The following PRIM2 variants were observed in gnomAD, a reference collection of about 807,000 sequenced individuals.
PRIM2 encodes the protein DNA primase subunit 2.
A neutral mutation model predicts 67.3 loss-of-function variants in PRIM2; 39 were observed. The ratio of observed to expected loss-of-function variants is 0.58; its 90% CI spans 0.45 to 0.76. The LOEUF (loss-of-function observed/expected upper bound fraction) is 0.76, where lower values mean the gene tolerates loss of function less well. Among genes scored for constraint, PRIM2 ranks in the 30% least tolerant of loss-of-function variants. PRIM2 has a pLI of 0.00. For synonymous variants in PRIM2, 143 were observed against 198.7 expected (o/e 0.72, Z 2.36); for missense variants, 398 against 598.7 (o/e 0.66, Z 3.50).
intron 5 of PRIM2, among the ~76,000 whole-genome samples, chr6:57,378,480 C>T (rs556988539): frequency 6.6e-6 from 1 of 152,150 alleles, no homozygotes; most frequent in African/African-American, 2.4e-5. Flanking sequence ...TTTGTGAATT[C>T]TTCCCTGTTG....
At position 57,498,424 on chromosome 6, in the gene PRIM2, T is replaced by A. The variant is rs1554346551; in HGVS notation, c.694-8963T>A. 5.1e-4 allele frequency among the ~76,000 whole-genome samples: 77 copies of A among 152,294 alleles called. 1 individual carries two copies. The South Asian group carries it at 0.015, about 29-fold the overall frequency. The stretch of plus-strand genomic sequence containing the variant: ...CCATTAAAATAAACGTAAATTTGGT[T>A]CTTTGTCATTTTACATAATAAATAA... On this transcript the variant is annotated intron_variant, in intron 7 of 13. Coordinates refer to ENST00000615550, the MANE Select transcript of PRIM2 (RefSeq NM_000947.5).
At chr6:57,609,999 AC>A (rs1360820788) in intron 12 of PRIM2, among the ~76,000 whole-genome samples, 8 of 152,146 alleles carry the variant, frequency 5.3e-5, no homozygotes, top group Admixed American at 5.2e-4. Flanking sequence ...GTAAGGTAGA[AC>A]TCCATGTGGT....
At chr6:57,629,701 A>G (rs1777011150) in intron 12 of PRIM2, among the ~76,000 whole-genome samples, 1 of 148,078 alleles carries the variant, frequency 6.8e-6, no homozygotes, top group African/African-American at 2.5e-5. Context: ...CTCCTTTCCA[A>G]TCTGTTCCCA....
chr6:57,499,854 A>G (rs1290206260), intron 7 of PRIM2, among the ~76,000 whole-genome samples: 3 of 152,198 alleles, frequency 2.0e-5, no homozygotes, highest in African/African-American at 7.2e-5. Flanking sequence ...TTTTATGCAT[A>G]TAATATGGGA....
the PRIM2 span, among the ~76,000 whole-genome samples, chr6:57,293,919 A>T: frequency 2.0e-5 from 3 of 152,160 alleles, no homozygotes; most frequent in Non-Finnish European, 4.4e-5. Flanking sequence ...TACCTATTTA[A>T]CAAACCTGCA....
intron 8 of PRIM2, among the ~76,000 whole-genome samples, chr6:57,527,328 G>T (rs1220245094): frequency 1.3e-5 from 2 of 152,224 alleles, no homozygotes; most frequent in African/African-American, 4.8e-5. Flanking sequence ...TGTGGAAAGT[G>T]AAATCTTGGC....
chr6:57,431,741 A>G (rs1771837898), intron 7 of PRIM2, among the ~76,000 whole-genome samples: 2 of 152,288 alleles, frequency 1.3e-5, no homozygotes, highest in Non-Finnish European at 2.9e-5. Context: ...TGATACTTTC[A>G]TAGAAAAGCT....
the PRIM2 span, among the ~76,000 whole-genome samples, chr6:57,245,947 A>G: frequency 1.3e-5 from 2 of 152,242 alleles, no homozygotes; most frequent in Admixed American, 6.5e-5. Flanking sequence ...CACTCTAGTC[A>G]TAGAAAACAT....
At chr6:57,247,513 G>A in the PRIM2 span, among the ~76,000 whole-genome samples, 10 of 152,278 alleles carry the variant, frequency 6.6e-5, no homozygotes, top group South Asian at 2.1e-3. Flanking sequence ...TATTTTTGGT[G>A]TATTTTGAGC....
rs1771348339 is a variant in PRIM2, at chr6:57,418,389, T to TTTTTTTG, written c.693+36227_693+36228insGTTTTTT. On this transcript the variant is annotated intron_variant, in intron 7 of 13. Transcript: ENST00000615550. Reference sequence around the variant, plus strand: ...AATGTTTCCTATGTGTGTGGTTTTTTTTTTTTTTTTTTTTTTTTTTTTTTT... The same window carrying TTTTTTTG: ...AATGTTTCCTATGTGTGTGGTTTTTTTTTTTTGTTTTTTTTTTTTTTTTTTTTTTTTT... Among the ~76,000 whole-genome samples the TTTTTTTG allele has an allele frequency of 1.3e-4, 10 of 75,510 alleles. No individual in the cohort carries two copies. In the East Asian group the frequency reaches 3.3e-3, roughly 25 times the overall value. 49.5% of individuals were successfully genotyped at this position (75,510 alleles called of 152,430 possible).
At chr6:57,254,308 C>A in the PRIM2 span, among the ~76,000 whole-genome samples, 6 of 152,324 alleles carry the variant, frequency 3.9e-5, no homozygotes, top group East Asian at 1.9e-4. Context: ...CATATATACA[C>A]TTTTGGAAGA....
chr6:57,643,780 T>C (rs1777288010), intron 13 of PRIM2, among the ~76,000 whole-genome samples: 1 of 152,176 alleles, frequency 6.6e-6, no homozygotes, highest in Non-Finnish European at 1.5e-5. Flanking sequence ...GAAGCAAAGA[T>C]AAAAATTTGT....
chr6:57,307,940 G>A, the PRIM2 span, among the ~76,000 whole-genome samples: 1 of 151,998 alleles, frequency 6.6e-6, no homozygotes, highest in Admixed American at 6.6e-5. Context: ...TAGGTGATGG[G>A]GTGGGAAAAG....
chr6:57,310,044 T>A (rs1179500470), upstream of PRIM2, among the ~76,000 whole-genome samples: 1 of 151,716 alleles, frequency 6.6e-6, no homozygotes, highest in Admixed American at 6.6e-5. Context: ...AACCTACTCA[T>A]CTGACAAAGG....
At chr6:57,639,620 A>ACAACTCTACACAAATAAG (rs1554359324) in intron 13 of PRIM2, among the ~76,000 whole-genome samples, 1 of 78,726 alleles carries the variant, frequency 1.3e-5, no homozygotes, top group African/African-American at 6.1e-5. Context: ...AATACTGTAA[A>ACAACTCTACACAAATAAG]CTAGAAAGTT....
rs66531304 is a variant in PRIM2, at chr6:57,393,000, TTA to T, written c.693+10845_693+10846del. ...TTTTATGGTTGCATAGTATTCCTTA[TTA>T]TATATATATATACATAGACACACAC... On this transcript the variant is annotated intron_variant, in intron 7 of 13. Transcript: ENST00000615550. 1.3e-5 allele frequency among the ~76,000 whole-genome samples: 2 copies of T among 149,956 alleles called. 1 individual carries two copies. Among genetic ancestry groups the T allele is most frequent in the African/African-American group, 5.0e-5 (2 of 40,378 alleles).
intron 10 of PRIM2, among the ~76,000 whole-genome samples, chr6:57,596,157 C>T (rs1264263661): frequency 3.9e-5 from 6 of 151,940 alleles, no homozygotes; most frequent in Admixed American, 2.0e-4. Context: ...GAACTCTCTG[C>T]GAGGAACCAG....
the PRIM2 span, among the ~76,000 whole-genome samples, chr6:57,255,431 GA>G: frequency 1.3e-5 from 2 of 151,024 alleles, no homozygotes; most frequent in East Asian, 3.9e-4. Flanking sequence ...CCGGGAGGCA[GA>G]GCTTGCAGTG....
intron 12 of PRIM2, among the ~76,000 whole-genome samples, chr6:57,609,812 A>T (rs1428955366): frequency 6.6e-6 from 1 of 152,172 alleles, no homozygotes; most frequent in Non-Finnish European, 1.5e-5. Context: ...CACTAGAGTG[A>T]AGCAGCTGGT....
Sources: allele counts gnomAD v4.1 joint callset (sites outside exome capture counted in the v4.1 genomes callset), GRCh38; gene constraint gnomAD v4.1.1; transcripts MANE v1.5; gene names NCBI Gene and HGNC (gene_info 2026-07-23, HGNC 2026-07-21).